The following IFT81 variants were observed in gnomAD, a reference collection of about 807,000 sequenced individuals.
The protein encoded by IFT81 is intraflagellar transport protein 81 homolog.
In IFT81, 72 loss-of-function variants were observed where a neutral mutation model predicts 102.6. The ratio of observed to expected loss-of-function variants is 0.70; its 90% CI spans 0.58 to 0.85. The LOEUF is 0.85. Ranked by LOEUF, IFT81 falls within the 40% of genes least tolerant of loss-of-function variation. The pLI is 0.00. For missense variants in IFT81, 723 were observed against 787.3 expected (o/e 0.92, Z 0.98); for synonymous variants, 237 against 242.7 (o/e 0.98, Z 0.22).
intron 10 of IFT81, among the ~76,000 whole-genome samples, chr12:110,155,326 T>C (rs1463895106): frequency 6.6e-6 from 1 of 152,130 alleles, no homozygotes; most frequent in Non-Finnish European, 1.5e-5. Flanking sequence ...GGGGTTTTTT[T>C]TGAGATGGAG....
At chr12:110,188,788 G>T (rs1897666037) in intron 12 of IFT81, among the ~76,000 whole-genome samples, 1 of 151,410 alleles carries the variant, frequency 6.6e-6, no homozygotes, top group Non-Finnish European at 1.5e-5. Flanking sequence ...AAAAAATTAG[G>T]CATAGTGGCA....
At chr12:110,139,903 T>TAAAATAAAATAAAATAAAAA (rs1179529717) in intron 8 of IFT81, among the ~76,000 whole-genome samples, 2 of 136,192 alleles carry the variant, frequency 1.5e-5, no homozygotes, top group Non-Finnish European at 3.2e-5. Context: ...TAAAATAAAA[T>TAAAATAAAATAAAATAAAAA]AAAAAATAAA....
intron 10 of IFT81, among the ~76,000 whole-genome samples, chr12:110,148,174 A>G (rs1895328960): frequency 6.6e-6 from 1 of 151,968 alleles, no homozygotes. Context: ...AAACTGGTTC[A>G]TTTTTCCCAT....
intron 9 of IFT81, 141 bp downstream of exon 9, chr12:110,143,686 T>C (rs941427720): frequency 8.5e-6 from 5 of 586,284 alleles, no homozygotes; most frequent in African/African-American, 7.8e-5. Flanking sequence ...TTATGAGGAA[T>C]TGTCCTTTAT....
At chr12:110,194,815 AACT>A (rs1897934767) in intron 14 of IFT81, among the ~76,000 whole-genome samples, 1 of 152,174 alleles carries the variant, frequency 6.6e-6, no homozygotes, top group Admixed American at 6.5e-5. Flanking sequence ...ATTATTTAAT[AACT>A]ACCTTAAATT....
intron 10 of IFT81, among the ~76,000 whole-genome samples, chr12:110,156,119 G>A (rs1895823047): frequency 6.6e-6 from 1 of 152,112 alleles, no homozygotes; most frequent in African/African-American, 2.4e-5. Context: ...TCTTTTAAAT[G>A]TGTTAATCTC....
In IFT81 at chr12:110,185,123, C is replaced by A. The variant is rs545742068; in HGVS notation, c.1338+4552C>A. On this transcript the variant is annotated intron_variant, in intron 12 of 18. Coordinates refer to ENST00000242591, the MANE Select transcript of IFT81 (RefSeq NM_014055.4). Reference sequence around the variant, plus strand: ...GTTCCATTTAGCCAGTGAGTGATTGCACTCTAGTGCTTATGCCAGAGATTA... The same window carrying A: ...GTTCCATTTAGCCAGTGAGTGATTGAACTCTAGTGCTTATGCCAGAGATTA... 2.6e-5 allele frequency among the ~76,000 whole-genome samples: 4 copies of A among 152,348 alleles called. No homozygotes were observed. In the East Asian group the frequency reaches 7.7e-4, roughly 29 times the overall value.
At chr12:110,201,755 C>G (rs944226254) in intron 14 of IFT81, among the ~76,000 whole-genome samples, 3 of 152,058 alleles carry the variant, frequency 2.0e-5, no homozygotes, top group African/African-American at 7.2e-5. Flanking sequence ...GCTTTTTTCA[C>G]TTTTTAAACT....
intron 12 of IFT81, among the ~76,000 whole-genome samples, chr12:110,182,193 C>T (rs1897333465): frequency 6.6e-6 from 1 of 152,226 alleles, no homozygotes. Flanking sequence ...ACATCTACTA[C>T]AGTTCACCCC....
At chr12:110,127,171 A>G (rs1021189060) in intron 1 of IFT81, among the ~76,000 whole-genome samples, 189 bp from the exon 2 acceptor site, 2 of 152,242 alleles carry the variant, frequency 1.3e-5, no homozygotes, top group African/African-American at 4.8e-5. Context: ...TTAACAGTAT[A>G]TACTGCAGTT....
rs147421394 is a variant in IFT81 at position 110,181,380 on chromosome 12, T to G, written c.1338+809T>G. 1.6e-3 allele frequency among the ~76,000 whole-genome samples: 239 copies of G among 152,354 alleles called. 1 individual carries two copies. Among genetic ancestry groups the G allele is most frequent in the Non-Finnish European group, 2.8e-3 (193 of 68,024 alleles). Reference sequence around the variant, plus strand: ...CTTCTAATTTCTATTGTGATTTCTTTGACCTTTTGGTCATGGCTTAAAATC... The same window carrying G: ...CTTCTAATTTCTATTGTGATTTCTTGGACCTTTTGGTCATGGCTTAAAATC... On this transcript the variant is annotated intron_variant, in intron 12 of 18. Coordinates refer to ENST00000242591, the MANE Select transcript of IFT81 (RefSeq NM_014055.4).
chr12:110,128,601 G>T, intron 3 of IFT81, among the ~76,000 whole-genome samples: 1 of 151,462 alleles, frequency 6.6e-6, no homozygotes, highest in East Asian at 1.9e-4. Flanking sequence ...ACCAGCCAGG[G>T]CAACATGGCG....
chr12:110,154,503 T>C (rs1895727581), intron 10 of IFT81, among the ~76,000 whole-genome samples: 1 of 151,174 alleles, frequency 6.6e-6, no homozygotes, highest in Admixed American at 6.6e-5. Context: ...TGATGGTGCA[T>C]GTCTGTAATC....
chr12:110,202,362 C>A (rs1276735815), intron 14 of IFT81, among the ~76,000 whole-genome samples: 3 of 152,236 alleles, frequency 2.0e-5, no homozygotes, highest in African/African-American at 4.8e-5. Flanking sequence ...TTAGAAGAAA[C>A]TTTGAAACAA....
At chr12:110,126,628 G>C (rs1040638310) in intron 1 of IFT81, among the ~76,000 whole-genome samples, 2 of 152,222 alleles carry the variant, frequency 1.3e-5, no homozygotes, top group Non-Finnish European at 2.9e-5. Context: ...AAAGGGATAA[G>C]TTGTGCCAGA....
At chr12:110,159,579 A>C (rs1896029242) in intron 10 of IFT81, among the ~76,000 whole-genome samples, 1 of 152,192 alleles carries the variant, frequency 6.6e-6, no homozygotes, top group African/African-American at 2.4e-5. Flanking sequence ...TCTGGCTTCC[A>C]AAAGGGGAGA....
chr12:110,128,312 C>G (rs1893964113), intron 3 of IFT81, among the ~76,000 whole-genome samples, 163 bp downstream of exon 3: 1 of 151,288 alleles, frequency 6.6e-6, no homozygotes, highest in African/African-American at 2.4e-5. Context: ...TAAACAAACT[C>G]AGAAGTCTTA....
intron 18 of IFT81, among the ~76,000 whole-genome samples, chr12:110,213,559 A>G (rs1566175720): frequency 6.6e-6 from 1 of 152,206 alleles, no homozygotes. Flanking sequence ...TAGAAGTTGC[A>G]CAGTGGTAAC....
intron 11 of IFT81, chr12:110,168,542 G>GT: frequency 3.4e-6 from 2 of 593,274 alleles, no homozygotes; most frequent in Non-Finnish European, 2.1e-6. Context: ...AAAGTATCCT[G>GT]TTTATGGTCT....
Sources: gnomAD v4.1 joint callset for allele counts (sites outside exome capture counted in the v4.1 genomes callset) on GRCh38, gnomAD v4.1.1 for gene constraint, MANE v1.5 for transcripts, NCBI Gene and HGNC (gene_info 2026-07-23, HGNC 2026-07-21) for gene names.